SLC30A7: variants seen among roughly 807,000 people sequenced by gnomAD.
SLC30A7 encodes the protein solute carrier family 30 member 7, also known as zinc transporter 7.
A neutral mutation model predicts 46.0 loss-of-function variants in SLC30A7; 35 were observed. The ratio of observed to expected loss-of-function variants is 0.76; its 90% CI spans 0.58 to 1.01. SLC30A7 has a LOEUF of 1.01. Ranked by LOEUF, SLC30A7 falls within the 50% of genes least tolerant of loss-of-function variation. The pLI is 0.00. For missense variants in SLC30A7, 464 were observed against 451.1 expected (o/e 1.03, Z -0.26); for synonymous variants, 147 against 157.8 (o/e 0.93, Z 0.51).
chr1:100,973,427 T>C (rs1656269813), intron 10 of SLC30A7, among the ~76,000 whole-genome samples: 1 of 152,172 alleles, frequency 6.6e-6, no homozygotes, highest in Admixed American at 6.5e-5. Flanking sequence ...AAGAAGGAAA[T>C]TAGTAGAATT....
At chr1:100,899,362 A>G (rs1651160876) in intron 2 of SLC30A7, among the ~76,000 whole-genome samples, 1 of 152,270 alleles carries the variant, frequency 6.6e-6, no homozygotes, top group African/African-American at 2.4e-5. Flanking sequence ...ATTAAATTCC[A>G]TTCTCTCACT....
intron 3 of SLC30A7, 125 bp from the exon 4 acceptor site, chr1:100,910,938 C>T: frequency 1.5e-6 from 1 of 674,674 alleles, no homozygotes; most frequent in Non-Finnish European, 2.5e-6. Context: ...ACTATAAACA[C>T]TAGGGCTTCG....
At position 100,896,248 on chromosome 1, in the gene SLC30A7, C is replaced by T; in HGVS notation, c.-15C>T. On this transcript the variant is annotated 5_prime_UTR_variant, in exon 1 of 11. Coordinates refer to ENST00000357650, the MANE Select transcript of SLC30A7 (RefSeq NM_133496.5). ...CTAGAGGGGAGTAGACCCGGCCCTTCGCCGGGCAGAGAAGATGTTGCCCCT... is the reference window on the plus strand; with the variant it reads ...CTAGAGGGGAGTAGACCCGGCCCTTTGCCGGGCAGAGAAGATGTTGCCCCT... 6.2e-7 allele frequency: 1 copy of T among 1,613,552 alleles called. No individual in the cohort carries two copies. Among genetic ancestry groups the T allele is most frequent in the South Asian group, 1.1e-5 (1 of 91,074 alleles).
rs1207824354 is a variant in SLC30A7, at chr1:100,980,979, T to G, written c.*6122T>G. The G allele has an allele frequency of 1.3e-5, 2 of 152,132 alleles. No individual in the cohort carries two copies. Among genetic ancestry groups the G allele is most frequent in the African/African-American group, 4.8e-5 (2 of 41,460 alleles). 9.4% of individuals were successfully genotyped at this position (152,132 alleles called of 1,614,324 possible). A position where few individuals can be genotyped will look rare whatever the true frequency, so the allele number is the denominator to read the frequency against. The stretch of plus-strand genomic sequence containing the variant: ...TCACTACATGTATTCAATTACTGAT[T>G]TAAATATTCCCAGAATTATTTTTTA... On this transcript the variant is annotated 3_prime_UTR_variant, in exon 11 of 11. Transcript: ENST00000357650.
At chr1:100,912,714 CA>C (rs575697894) in intron 5 of SLC30A7, among the ~76,000 whole-genome samples, 9 of 137,696 alleles carry the variant, frequency 6.5e-5, no homozygotes, top group Non-Finnish European at 9.5e-5. Flanking sequence ...GACTCCATCT[CA>C]AAAAAAAAAC....
intron 8 of SLC30A7, among the ~76,000 whole-genome samples, chr1:100,926,455 A>G (rs1327475453): frequency 6.6e-6 from 1 of 152,096 alleles, no homozygotes; most frequent in Non-Finnish European, 1.5e-5. Flanking sequence ...GAGAGAAAAA[A>G]CAATGACTAA....
At chr1:100,924,852 C>T (rs1173199707) in intron 8 of SLC30A7, among the ~76,000 whole-genome samples, 2 of 151,944 alleles carry the variant, frequency 1.3e-5, no homozygotes, top group Admixed American at 6.6e-5. Context: ...ACAAAGAAAA[C>T]TTGTTTTACT....
At position 100,913,758 on chromosome 1, in the gene SLC30A7, G is replaced by A. The variant is rs753324946; in HGVS notation, c.607G>A (p.Ala203Thr). 6 of 1,613,900 alleles carry A rather than the reference G, an allele frequency of 3.7e-6. No homozygotes were observed. Among genetic ancestry groups the A allele is most frequent in the South Asian group, 1.1e-5 (1 of 91,064 alleles). ...CHSHEVKHGA[A>T]HSHDHAHGHG... Reference sequence around the variant, plus strand: ...TAGCCATGAAGTGAAACATGGTGCTGCACATAGCCATGATCATGCTCATGG... The same window carrying A: ...TAGCCATGAAGTGAAACATGGTGCTACACATAGCCATGATCATGCTCATGG... Residue 203 changes from alanine to threonine, a missense_variant, in exon 6 of 11, where the codon GCA becomes ACA. By Grantham distance (58) the Ala-to-Thr change is moderately conservative. Transcript: ENST00000357650.
chr1:100,995,846 A>G, the SLC30A7 span: 1 of 152,256 alleles, frequency 6.6e-6, no homozygotes, highest in Non-Finnish European at 1.5e-5. Context: ...AAAGGAACTC[A>G]GTATACAACA....
chr1:100,935,152 A>G (rs1653878648), intron 8 of SLC30A7, among the ~76,000 whole-genome samples: 2 of 152,212 alleles, frequency 1.3e-5, no homozygotes, highest in African/African-American at 4.8e-5. Context: ...ATATAACCTA[A>G]TTGTCAGAAC....
intron 7 of SLC30A7, 25 bp from the exon 8 acceptor site, chr1:100,921,681 G>T: frequency 6.3e-7 from 1 of 1,578,226 alleles, no homozygotes; most frequent in South Asian, 1.1e-5. Flanking sequence ...AGACTGTTTT[G>T]ATTTTTATTA....
intron 10 of SLC30A7, among the ~76,000 whole-genome samples, chr1:100,968,030 GT>G (rs1249215681): frequency 6.6e-6 from 1 of 152,116 alleles, no homozygotes; most frequent in African/African-American, 2.4e-5. Flanking sequence ...ATTTTCAAAT[GT>G]TTTGGCAAAA....
intron 8 of SLC30A7, among the ~76,000 whole-genome samples, chr1:100,959,136 GAGGTGA>G (rs1298493292): frequency 6.6e-6 from 1 of 152,152 alleles, no homozygotes; most frequent in East Asian, 1.9e-4. Flanking sequence ...GGATTAATAG[GAGGTGA>G]AGGTAGAGGG....
chr1:100,923,210 G>T (rs1429890360), intron 8 of SLC30A7, among the ~76,000 whole-genome samples: 1 of 113,782 alleles, frequency 8.8e-6, no homozygotes, highest in Non-Finnish European at 2.0e-5. Flanking sequence ...TAGAGACGGG[G>T]TTTCACCGTG....
Position 100,918,127 on chromosome 1 carries a change from G to A in SLC30A7, c.706G>A (p.Gly236Ser). 6.2e-7 allele frequency: 1 copy of A among 1,610,514 alleles called. No individual in the cohort carries two copies. Among genetic ancestry groups the A allele is most frequent in the South Asian group, 1.1e-5 (1 of 90,634 alleles). The part of the protein sequence containing the change: ...TTGPSRQILQ[G>S]VFLHILADTL... The stretch of plus-strand genomic sequence containing the variant: ...AGGACCCAGCAGACAGATTTTACAA[G>A]GTATGACAAGCAATTTTTATGTTTC... Residue 236 changes from glycine to serine, a missense_variant and splice_region_variant, in exon 7 of 11, where the codon GGT becomes AGT. Transcript: ENST00000357650.
Position 100,911,150 on chromosome 1 carries a change from G to A in SLC30A7, c.384G>A (p.Glu128=), listed in dbSNP as rs1652066355. 1.3e-6 allele frequency: 2 copies of A among 1,583,756 alleles called. No individual in the cohort carries two copies. The highest frequency in any genetic ancestry group is 1.7e-6 in the Non-Finnish European group (2 of 1,157,704). ...TTTTTATTTTCTCAGAAGGAGTTGA[G>A]GTATAGTAGATAATTATTAAAGTCA... ...TAFFIFSEGV[E]RALAPPDVHH... Residue 128 remains glutamate (E), a splice_region_variant and synonymous_variant, in exon 4 of 11, where the codon GAG becomes GAA. Transcript: ENST00000357650.
Position 100,912,247 on chromosome 1 carries a change from G to T in SLC30A7, c.511+9G>T. 1.9e-6 allele frequency: 3 copies of T among 1,606,896 alleles called. No homozygotes were observed. The highest frequency in any genetic ancestry group is 2.5e-6 in the Non-Finnish European group (3 of 1,177,474). On this transcript the variant is annotated intron_variant, in intron 5 of 10. Coordinates refer to ENST00000357650, the MANE Select transcript of SLC30A7 (RefSeq NM_133496.5). ...ACATTCTCATGGCTCTGGTATGATGGTTAGGACACTTTGTTTCTTCATTTT... is the reference window on the plus strand; with the variant it reads ...ACATTCTCATGGCTCTGGTATGATGTTTAGGACACTTTGTTTCTTCATTTT...
At chr1:100,917,938 T>A (rs1184618217) in intron 6 of SLC30A7, 139 bp from the exon 7 acceptor site, 4 of 498,694 alleles carry the variant, frequency 8.0e-6, no homozygotes, top group Admixed American at 3.7e-5. Flanking sequence ...TTATTAAATT[T>A]AAAAAATAAA....
downstream of SLC30A7, among the ~76,000 whole-genome samples, chr1:100,983,820 T>G (rs1226217533): frequency 2.0e-5 from 3 of 152,206 alleles, no homozygotes; most frequent in East Asian, 5.8e-4. Context: ...GCTTGGCCAT[T>G]TGGCTTGGAC....
Sources: gnomAD v4.1 joint callset for allele counts (sites outside exome capture counted in the v4.1 genomes callset) on GRCh38, gnomAD v4.1.1 for gene constraint, MANE v1.5 for transcripts, NCBI Gene and HGNC (gene_info 2026-07-23, HGNC 2026-07-21) for gene names.